The following KCNN3 variants were observed in gnomAD, a reference collection of about 807,000 sequenced individuals.
KCNN3 encodes the protein potassium calcium-activated channel subfamily N member 3, also known as small conductance calcium-activated potassium channel protein 3.
In KCNN3, 16 loss-of-function variants were observed where a neutral mutation model predicts 62.9. The observed-to-expected ratio is 0.25, with a 90% CI of 0.17 to 0.39. The LOEUF is 0.39. KCNN3 is among the 10% of genes least tolerant of loss of function. The pLI, the probability that KCNN3 is intolerant of heterozygous loss-of-function variation, is 1.00. For synonymous variants in KCNN3, 370 were observed against 389.2 expected (o/e 0.95, Z 0.58); for missense variants, 599 against 949.4 (o/e 0.63, Z 4.85).
chr1:154,742,942 T>C (rs1233962919), intron 3 of KCNN3, among the ~76,000 whole-genome samples: 1 of 152,192 alleles, frequency 6.6e-6, no homozygotes, highest in Non-Finnish European at 1.5e-5. Flanking sequence ...TCCCAGCTTC[T>C]CCTTTTAATC....
At chr1:154,793,954 G>A (rs1018137410) in intron 2 of KCNN3, among the ~76,000 whole-genome samples, 1 of 152,194 alleles carries the variant, frequency 6.6e-6, no homozygotes, top group African/African-American at 2.4e-5. Flanking sequence ...CCTCACTGAT[G>A]CATCCAGCCC....
At chr1:154,844,706 G>C (rs139420683) in intron 1 of KCNN3, among the ~76,000 whole-genome samples, 2 of 152,324 alleles carry the variant, frequency 1.3e-5, no homozygotes, top group African/African-American at 2.4e-5. Context: ...CCTCATTTTA[G>C]ACATGAGGAA....
chr1:154,790,757 A>C (rs190518247), intron 2 of KCNN3, among the ~76,000 whole-genome samples: 11 of 152,326 alleles, frequency 7.2e-5, no homozygotes, highest in Admixed American at 4.6e-4. Context: ...ATCTGGGACT[A>C]TCTCTCTCTG....
intron 2 of KCNN3, among the ~76,000 whole-genome samples, chr1:154,812,231 G>A (rs72700270): frequency 0.025 from 3,763 of 152,190 alleles, 67 homozygotes; most frequent in Non-Finnish European, 0.038. Flanking sequence ...ACACACCTTG[G>A]CACTCTCAGA....
At chr1:154,861,530 C>A (rs1050742308) in intron 1 of KCNN3, among the ~76,000 whole-genome samples, 4 of 152,182 alleles carry the variant, frequency 2.6e-5, no homozygotes, top group Admixed American at 1.3e-4. Context: ...CACACTCTGC[C>A]CCCTCTCCCC....
intron 5 of KCNN3, among the ~76,000 whole-genome samples, chr1:154,723,420 G>A (rs1390979432): frequency 6.6e-6 from 1 of 152,182 alleles, no homozygotes; most frequent in Admixed American, 6.5e-5. Context: ...ATAAATATTT[G>A]TTGATTTGAT....
At chr1:154,856,762 C>A (rs187507548) in intron 1 of KCNN3, among the ~76,000 whole-genome samples, 1 of 152,198 alleles carries the variant, frequency 6.6e-6, no homozygotes. Context: ...CAAAGCCACA[C>A]AGCCTACAGT....
intron 2 of KCNN3, among the ~76,000 whole-genome samples, chr1:154,819,662 G>T (rs1050473426): frequency 6.6e-6 from 1 of 152,238 alleles, no homozygotes; most frequent in African/African-American, 2.4e-5. Flanking sequence ...AGAGGAAGCC[G>T]GTTTTGGTGA....
Position 154,773,301 on chromosome 1 carries a change from C to T in KCNN3, c.1030-908G>A, listed in dbSNP as rs1001825518. On this transcript the variant is annotated intron_variant, in intron 2 of 7. Coordinates refer to ENST00000271915, the MANE Select transcript of KCNN3 (RefSeq NM_002249.6). ...CATGGAAGCTCCACCCCTTCCCATG[C>T]GCCCTGCCCTTTGCTTCGCTCCCAT... 9.9e-5 allele frequency among the ~76,000 whole-genome samples: 15 copies of T among 152,214 alleles called. 1 individual carries two copies. The highest frequency in any genetic ancestry group is 4.1e-4 in the South Asian group (2 of 4,836).
At chr1:154,752,707 C>G (rs1647435871) in intron 3 of KCNN3, among the ~76,000 whole-genome samples, 1 of 152,180 alleles carries the variant, frequency 6.6e-6, no homozygotes, top group East Asian at 1.9e-4. Flanking sequence ...AGGCTGGGCA[C>G]TGTAGCAGAC....
chr1:154,842,388 C>G (rs996296821), intron 1 of KCNN3, among the ~76,000 whole-genome samples: 2 of 152,164 alleles, frequency 1.3e-5, no homozygotes, highest in African/African-American at 2.4e-5. Context: ...ATTGAACATA[C>G]AGGCCGAGGA....
intron 3 of KCNN3, among the ~76,000 whole-genome samples, chr1:154,742,058 C>A (rs565112359): frequency 2.8e-3 from 432 of 152,388 alleles, no homozygotes; most frequent in Non-Finnish European, 4.1e-3. Context: ...GCTCACTGGC[C>A]TGCTTTCCTC....
chr1:154,839,133 G>A (rs1412427505), intron 1 of KCNN3, among the ~76,000 whole-genome samples: 8 of 152,176 alleles, frequency 5.3e-5, no homozygotes, highest in Non-Finnish European at 1.2e-4. Flanking sequence ...GCTGTGTAGC[G>A]ATGGCAAAGC....
At chr1:154,749,621 G>A (rs1194387658) in intron 3 of KCNN3, among the ~76,000 whole-genome samples, 4 of 152,224 alleles carry the variant, frequency 2.6e-5, no homozygotes, top group African/African-American at 4.8e-5. Context: ...ACGTCAGGGC[G>A]AGTGGGAAGA....
At chr1:154,773,109 C>A (rs973140466) in intron 2 of KCNN3, among the ~76,000 whole-genome samples, 1 of 151,888 alleles carries the variant, frequency 6.6e-6, no homozygotes, top group Non-Finnish European at 1.5e-5. Flanking sequence ...ATTTCGTCAC[C>A]CAGGTACTAT....
At chr1:154,775,139 A>G (rs1648735674) in intron 2 of KCNN3, among the ~76,000 whole-genome samples, 1 of 152,176 alleles carries the variant, frequency 6.6e-6, no homozygotes, top group African/African-American at 2.4e-5. Context: ...GGGCCAAAGG[A>G]AGCTTCTGCT....
At chr1:154,829,588 C>T (rs1382274771) in intron 1 of KCNN3, among the ~76,000 whole-genome samples, 2 of 152,196 alleles carry the variant, frequency 1.3e-5, no homozygotes, top group Admixed American at 1.3e-4. Context: ...TCCACACTCT[C>T]CTCTCAGTCC....
rs1700050957 is a variant in KCNN3, at chr1:154,710,429, T to G, written c.1900-2157A>C. 2.6e-5 allele frequency among the ~76,000 whole-genome samples: 4 copies of G among 152,310 alleles called. No individual in the cohort carries two copies. In the South Asian group the frequency reaches 8.3e-4, roughly 32 times the overall value. On this transcript the variant is annotated intron_variant, in intron 7 of 7. Transcript: ENST00000271915. ...TGGGCGAATGTCAGAGTTCATCTCC[T>G]CCCCAGATCTCCCCACGGGGGTTCT...
Position 154,707,834 on chromosome 1 carries a change from A to T in KCNN3, c.*142T>A, listed in dbSNP as rs1699993990. On this transcript the variant is annotated 3_prime_UTR_variant, in exon 8 of 8. Transcript: ENST00000271915. The stretch of plus-strand genomic sequence containing the variant: ...AGGCATGTCGGACCAAGCACGCTGA[A>T]TGAACATGAGTTAGTTAATTAGCTC... 9.5e-6 allele frequency: 9 copies of T among 951,028 alleles called. No homozygotes were observed. Among genetic ancestry groups the T allele is most frequent in the Non-Finnish European group, 1.4e-5 (9 of 627,900 alleles). 58.9% of individuals were successfully genotyped at this position (951,028 alleles called of 1,614,324 possible).
Sources: gnomAD v4.1 joint callset for allele counts (sites outside exome capture counted in the v4.1 genomes callset) on GRCh38, gnomAD v4.1.1 for gene constraint, MANE v1.5 for transcripts, NCBI Gene and HGNC (gene_info 2026-07-23, HGNC 2026-07-21) for gene names.